The following TUSC3 variants were observed in gnomAD, a reference collection of about 807,000 sequenced individuals.
TUSC3 encodes dolichyl-diphosphooligosaccharide--protein glycosyltransferase subunit TUSC3.
A neutral mutation model predicts 44.8 loss-of-function variants in TUSC3; 45 were observed. That is an observed-to-expected ratio of 1.00 (90% CI 0.79 to 1.29). The LOEUF (loss-of-function observed/expected upper bound fraction) is 1.29. Among genes scored for constraint, TUSC3 ranks in the 50% most tolerant of loss-of-function variants. TUSC3 has a pLI of 0.00. For missense variants in TUSC3, 519 were observed against 437.9 expected (o/e 1.19, Z -1.65); for synonymous variants, 212 against 152.9 (o/e 1.39, Z -2.85).
chr8:15,464,862 T>C (rs986336468), intron 1 of TUSC3, among the ~76,000 whole-genome samples: 3 of 152,150 alleles, frequency 2.0e-5, no homozygotes, highest in Admixed American at 1.3e-4. Context: ...GACTTTTTTT[T>C]TGTTTGAGAT....
the TUSC3 span, among the ~76,000 whole-genome samples, chr8:15,792,753 T>C: frequency 6.6e-6 from 1 of 151,940 alleles, no homozygotes; most frequent in East Asian, 1.9e-4. Context: ...GTAGCTGGGA[T>C]TACAGGTGTG....
chr8:15,632,019 A>G (rs1805791749), intron 2 of TUSC3, among the ~76,000 whole-genome samples: 1 of 152,098 alleles, frequency 6.6e-6, no homozygotes, highest in Non-Finnish European at 1.5e-5. Flanking sequence ...GGCTATTCTT[A>G]TATAATTAGA....
chr8:15,582,231 C>A (rs759319994), intron 1 of TUSC3, among the ~76,000 whole-genome samples: 1 of 152,194 alleles, frequency 6.6e-6, no homozygotes, highest in Admixed American at 6.5e-5. Context: ...TGAGAGAAAC[C>A]TGGTACCTCA....
chr8:15,563,005 C>T (rs1802535634), intron 1 of TUSC3, among the ~76,000 whole-genome samples: 1 of 151,996 alleles, frequency 6.6e-6, no homozygotes, highest in African/African-American at 2.4e-5. Flanking sequence ...CCAGGGGAGG[C>T]AGTTACGTTA....
At position 15,526,367 on chromosome 8, in the gene TUSC3, C is replaced by T. The variant is rs561370254; in HGVS notation, n.189+42884C>T. Among the ~76,000 whole-genome samples, 13 of 152,244 alleles carry T rather than the reference C, an allele frequency of 8.5e-5. No homozygotes were observed. The South Asian group carries it at 2.7e-3, about 32-fold the overall frequency. On this transcript the variant is annotated intron_variant and non_coding_transcript_variant, in intron 2 of 5. Coordinates refer to the TUSC3 transcript ENST00000503191. ...ATCTTGATAATGATTACATTCTATACAGAGGGAAACTAGTAAAGATTTTCT... is the reference window on the plus strand; with the variant it reads ...ATCTTGATAATGATTACATTCTATATAGAGGGAAACTAGTAAAGATTTTCT...
intron 2 of TUSC3, among the ~76,000 whole-genome samples, chr8:15,499,263 A>T (rs376157315): frequency 6.6e-6 from 1 of 152,120 alleles, no homozygotes. Context: ...TTGCATTTCT[A>T]TGTTTTCCTT....
intron 2 of TUSC3, among the ~76,000 whole-genome samples, chr8:15,520,378 T>A (rs1801281890): frequency 6.6e-6 from 1 of 152,228 alleles, no homozygotes. Flanking sequence ...ATATCCAACC[T>A]CTGAAAGCCT....
intron 6 of TUSC3, among the ~76,000 whole-genome samples, chr8:15,699,479 T>C (rs1809306357): frequency 1.3e-5 from 2 of 152,184 alleles, no homozygotes; most frequent in South Asian, 4.1e-4. Flanking sequence ...AAATCTAACA[T>C]AAAACCTAGC....
intron 2 of TUSC3, among the ~76,000 whole-genome samples, chr8:15,511,318 T>C (rs555764484): frequency 2.6e-5 from 4 of 151,904 alleles, no homozygotes; most frequent in African/African-American, 9.7e-5. Context: ...CAGATTGGAA[T>C]AGAAGAAAGA....
At chr8:15,714,398 C>G (rs1021928841) in intron 6 of TUSC3, among the ~76,000 whole-genome samples, 1 of 152,130 alleles carries the variant, frequency 6.6e-6, no homozygotes, top group Non-Finnish European at 1.5e-5. Context: ...CATCTCATCG[C>G]TATTTCCAGC....
At chr8:15,473,410 A>G (rs1800522929) in intron 1 of TUSC3, among the ~76,000 whole-genome samples, 1 of 152,230 alleles carries the variant, frequency 6.6e-6, no homozygotes, top group South Asian at 2.1e-4. Context: ...TACTATAGAA[A>G]AAACTTGGCT....
chr8:15,478,255 C>T (rs945348051), intron 1 of TUSC3, among the ~76,000 whole-genome samples: 2 of 152,138 alleles, frequency 1.3e-5, no homozygotes, highest in African/African-American at 2.4e-5. Context: ...GGTGAGTTAC[C>T]ATGCCTGGCC....
At chr8:15,839,480 A>C in the TUSC3 span, among the ~76,000 whole-genome samples, 1 of 152,168 alleles carries the variant, frequency 6.6e-6, no homozygotes, top group Non-Finnish European at 1.5e-5. Context: ...TACTCATCTG[A>C]CAAAGGGCTA....
intron 1 of TUSC3, among the ~76,000 whole-genome samples, chr8:15,561,864 G>A (rs1043667031): frequency 6.6e-6 from 1 of 152,054 alleles, no homozygotes; most frequent in Non-Finnish European, 1.5e-5. Context: ...TGTTTCGGCT[G>A]GCGCACGGTG....
the TUSC3 span, among the ~76,000 whole-genome samples, chr8:15,790,406 A>G: frequency 2.6e-5 from 4 of 152,096 alleles, no homozygotes; most frequent in East Asian, 7.8e-4. Context: ...GATGGTCTCC[A>G]TGTCTTAACC....
At chr8:15,572,454 A>G (rs1258851117) in intron 1 of TUSC3, among the ~76,000 whole-genome samples, 4 of 152,176 alleles carry the variant, frequency 2.6e-5, no homozygotes, top group Admixed American at 6.5e-5. Context: ...TGATCTATCC[A>G]AACTATTTAA....
chr8:15,742,314 C>G (rs1410828575), intron 7 of TUSC3, among the ~76,000 whole-genome samples: 1 of 151,940 alleles, frequency 6.6e-6, no homozygotes, highest in Non-Finnish European at 1.5e-5. Flanking sequence ...GGTTCCAAAG[C>G]TAAAACAAAT....
chr8:15,671,844 T>G (rs1807958457), intron 5 of TUSC3, among the ~76,000 whole-genome samples: 1 of 151,984 alleles, frequency 6.6e-6, no homozygotes, highest in Admixed American at 6.6e-5. Flanking sequence ...AAATGATACT[T>G]TTTTTTATGT....
chr8:15,650,400 A>G (rs1346817966), intron 2 of TUSC3, among the ~76,000 whole-genome samples: 1 of 152,176 alleles, frequency 6.6e-6, no homozygotes, highest in Non-Finnish European at 1.5e-5. Context: ...TTTGTGATAC[A>G]TGTAGTTGCT....
Sources: gnomAD v4.1 joint callset for allele counts (sites outside exome capture counted in the v4.1 genomes callset) on GRCh38, gnomAD v4.1.1 for gene constraint, MANE v1.5 for transcripts, NCBI Gene and HGNC (gene_info 2026-07-23, HGNC 2026-07-21) for gene names.